Variants in CALN1 observed in about 807,000 individuals in gnomAD.
CALN1 encodes the protein calneuron 1.
Under a neutral mutation model 30.6 loss-of-function variants are expected in CALN1, and 17 were observed. The ratio of observed to expected loss-of-function variants is 0.56; its 90% CI spans 0.38 to 0.83. The LOEUF (loss-of-function observed/expected upper bound fraction) is 0.83. CALN1 is among the 40% of genes least tolerant of loss of function. The pLI is 0.00. For synonymous variants in CALN1, 156 were observed against 131.4 expected (o/e 1.19, Z -1.28); for missense variants, 291 against 354.9 (o/e 0.82, Z 1.45).
intron 5 of CALN1, among the ~76,000 whole-genome samples, chr7:72,003,465 C>T (rs777304857): frequency 2.0e-4 from 30 of 152,156 alleles, no homozygotes; most frequent in Middle Eastern, 3.2e-3. Flanking sequence ...AGAGGGAGAA[C>T]GGCAGGCTAG....
intron 5 of CALN1, among the ~76,000 whole-genome samples, chr7:71,813,955 T>G (rs1483310619): frequency 6.7e-6 from 1 of 149,782 alleles, no homozygotes. Context: ...AAAAAGATCT[T>G]TGGACTTCCC....
chr7:72,409,172 T>C (rs928256165), intron 1 of CALN1, among the ~76,000 whole-genome samples: 9 of 151,932 alleles, frequency 5.9e-5, no homozygotes, highest in African/African-American at 2.2e-4. Context: ...ATTTTTGCAT[T>C]TTTAGTAGAG....
rs1554319584 is a variant in CALN1, at chr7:72,205,551, A to AATATATACATATATATAT, written c.244+73134_244+73135insATATATATATGTATATAT. On this transcript the variant is annotated intron_variant, in intron 3 of 6. Transcript: ENST00000395275. ...ATTTTTCTCCTGATTGCAAAAAAAAAATATATATATATATATGTATATATA... is the reference window on the plus strand; with the variant it reads ...ATTTTTCTCCTGATTGCAAAAAAAAAATATATACATATATATATATATATATATATATATGTATATATA... Among the ~76,000 whole-genome samples, 12 of 83,042 alleles carry AATATATACATATATATAT rather than the reference A, an allele frequency of 1.4e-4. 1 individual carries two copies. The Admixed American group carries it at 1.7e-3, about 12-fold the overall frequency. The allele number at this position is 83,042 out of a possible 152,430, so 54.5% of individuals were successfully genotyped here.
intron 5 of CALN1, among the ~76,000 whole-genome samples, chr7:72,008,785 A>C (rs796375567): frequency 1.0e-4 from 15 of 150,424 alleles, no homozygotes; most frequent in African/African-American, 3.7e-4. Context: ...CCTCCTATGT[A>C]GCTGGGATTA....
At chr7:71,956,453 AT>A (rs34744971) in intron 5 of CALN1, among the ~76,000 whole-genome samples, 10 of 150,430 alleles carry the variant, frequency 6.6e-5, no homozygotes, top group African/African-American at 2.4e-4. Context: ...AATTTAAAGT[AT>A]TTTTTTTAAA....
Position 71,787,664 on chromosome 7 carries a change from C to A in CALN1, c.*111G>T. The A allele has an allele frequency of 6.9e-7, 1 of 1,456,826 alleles. No individual in the cohort carries two copies. The highest frequency in any genetic ancestry group is 2.4e-5 in the East Asian group (1 of 41,868). The allele number at this position is 1,456,826 out of a possible 1,614,324, so 90.2% of individuals were successfully genotyped here. ...TTCTTTACTGAACGGTTCCATCGTC[C>A]GCATCCATCCATAGTCCATAGGTCC... On this transcript the variant is annotated 3_prime_UTR_variant, in exon 7 of 7. Transcript: ENST00000395275.
chr7:72,400,380 C>A (rs977039489), intron 2 of CALN1, among the ~76,000 whole-genome samples: 1 of 152,186 alleles, frequency 6.6e-6, no homozygotes, highest in Non-Finnish European at 1.5e-5. Flanking sequence ...CAGGAATCAT[C>A]TTCATATGGA....
intron 5 of CALN1, among the ~76,000 whole-genome samples, chr7:71,872,439 G>A (rs189282091): frequency 3.3e-5 from 5 of 151,730 alleles, no homozygotes; most frequent in Admixed American, 2.6e-4. Flanking sequence ...TTTCAATGTC[G>A]CTTTTCTGTA....
chr7:72,013,024 C>G (rs1423405363), intron 5 of CALN1, among the ~76,000 whole-genome samples: 1 of 152,064 alleles, frequency 6.6e-6, no homozygotes, highest in Non-Finnish European at 1.5e-5. Context: ...TCTCTAACTC[C>G]TGACCTCAGG....
At chr7:72,109,392 A>G (rs1237745735) in intron 3 of CALN1, among the ~76,000 whole-genome samples, 3 of 152,078 alleles carry the variant, frequency 2.0e-5, no homozygotes, top group African/African-American at 7.2e-5. Context: ...CTTTCTGTGC[A>G]TCCGTGGACA....
chr7:72,465,992 A>G, the CALN1 span, among the ~76,000 whole-genome samples: 1 of 152,196 alleles, frequency 6.6e-6, no homozygotes, highest in Non-Finnish European at 1.5e-5. Flanking sequence ...AGAGTAGAAC[A>G]AAGATGAGAA....
At chr7:71,999,606 C>G (rs2129528449) in intron 5 of CALN1, among the ~76,000 whole-genome samples, 2 of 152,096 alleles carry the variant, frequency 1.3e-5, no homozygotes, top group Non-Finnish European at 2.9e-5. Flanking sequence ...CCTCTGCATT[C>G]TGCCTCCCAA....
At chr7:72,166,562 C>T (rs1348195583) in intron 3 of CALN1, among the ~76,000 whole-genome samples, 1 of 152,140 alleles carries the variant, frequency 6.6e-6, no homozygotes, top group Non-Finnish European at 1.5e-5. Context: ...CTATTACTTG[C>T]TACAAAATGC....
At chr7:72,067,143 G>A (rs1261316240) in intron 4 of CALN1, among the ~76,000 whole-genome samples, 2 of 152,172 alleles carry the variant, frequency 1.3e-5, no homozygotes, top group Admixed American at 6.5e-5. Flanking sequence ...TGAAATCAAA[G>A]GAAAGGCTTC....
At chr7:72,477,413 T>C in the CALN1 span, among the ~76,000 whole-genome samples, 5 of 152,030 alleles carry the variant, frequency 3.3e-5, no homozygotes, top group South Asian at 2.1e-4. Flanking sequence ...ACCTTCTCCT[T>C]ACCCCTTTTT....
intron 5 of CALN1, among the ~76,000 whole-genome samples, chr7:71,860,661 A>C (rs1340036244): frequency 1.3e-5 from 2 of 152,192 alleles, no homozygotes; most frequent in Admixed American, 1.3e-4. Context: ...CCCCATAAAA[A>C]ATGACATGAC....
At chr7:72,468,256 T>C in the CALN1 span, among the ~76,000 whole-genome samples, 2 of 152,240 alleles carry the variant, frequency 1.3e-5, no homozygotes, top group South Asian at 2.1e-4. Flanking sequence ...CTTTGGGGCA[T>C]ATTCCTAAGA....
intron 6 of CALN1, among the ~76,000 whole-genome samples, chr7:71,794,298 T>C (rs1371916472): frequency 6.6e-6 from 1 of 152,144 alleles, no homozygotes; most frequent in Non-Finnish European, 1.5e-5. Flanking sequence ...AAACACCGAG[T>C]GTGGTGGACA....
chr7:72,251,524 C>CA (rs1795556026), intron 3 of CALN1, among the ~76,000 whole-genome samples: 1 of 152,014 alleles, frequency 6.6e-6, no homozygotes, highest in South Asian at 2.1e-4. Flanking sequence ...ATCAGCCTTC[C>CA]AAGCAGCTAA....
Sources: allele counts gnomAD v4.1 joint callset (sites outside exome capture counted in the v4.1 genomes callset), GRCh38; gene constraint gnomAD v4.1.1; transcripts MANE v1.5; gene names NCBI Gene and HGNC (gene_info 2026-07-23, HGNC 2026-07-21).